The following DGKB variants were observed in gnomAD, a reference collection of about 807,000 sequenced individuals.
DGKB encodes 90 kDa diacylglycerol kinase.
A neutral mutation model predicts 114.3 loss-of-function variants in DGKB; 67 were observed. The ratio of observed to expected loss-of-function variants is 0.59; its 90% confidence interval spans 0.48 to 0.72. The LOEUF (loss-of-function observed/expected upper bound fraction) is 0.72. Among genes scored for constraint, DGKB ranks in the 30% least tolerant of loss-of-function variants. The pLI, the probability that DGKB is intolerant of heterozygous loss-of-function variation, is 0.00. For missense variants in DGKB, 907 were observed against 975.2 expected, an observed-to-expected ratio of 0.93 and a Z score of 0.93; for synonymous variants, 398 against 323.1, an observed-to-expected ratio of 1.23 and a Z score of -2.49.
intron 2 of DGKB, among the ~76,000 whole-genome samples, chr7:14,839,456 G>A (rs1008717633): frequency 8.4e-5 from 12 of 143,408 alleles, no homozygotes; most frequent in African/African-American, 2.6e-4. Context: ...CCATGGTAGA[G>A]TGCAGTGGCA....
At chr7:14,329,328 T>C (rs1809300900) in intron 23 of DGKB, among the ~76,000 whole-genome samples, 1 of 151,918 alleles carries the variant, frequency 6.6e-6, no homozygotes, top group Non-Finnish European at 1.5e-5. Context: ...CCATTAAAGT[T>C]ATTAGAAAAC....
chr7:14,219,787 T>C (rs971731748), intron 23 of DGKB, among the ~76,000 whole-genome samples: 2 of 151,770 alleles, frequency 1.3e-5, no homozygotes, highest in African/African-American at 4.8e-5. Flanking sequence ...TGAAGTCCAA[T>C]TTACATATTT....
intron 17 of DGKB, among the ~76,000 whole-genome samples, chr7:14,600,325 G>A (rs895000424): frequency 2.6e-5 from 4 of 152,128 alleles, no homozygotes; most frequent in African/African-American, 9.7e-5. Context: ...TGGTGATTAA[G>A]GTTCAATATA....
intron 13 of DGKB, among the ~76,000 whole-genome samples, chr7:14,646,853 TG>T (rs1813132594): frequency 2.0e-5 from 3 of 151,704 alleles, no homozygotes; most frequent in Admixed American, 2.0e-4. Flanking sequence ...ATTACACCAA[TG>T]AACACCTATA....
At chr7:14,634,481 T>TACACACACACAC (rs34758174) in intron 13 of DGKB, among the ~76,000 whole-genome samples, 182 of 145,262 alleles carry the variant, frequency 1.3e-3, no homozygotes, top group Middle Eastern at 3.5e-3. Flanking sequence ...TACAAAGTGA[T>TACACACACACAC]ACACACACAC....
chr7:14,661,805 C>T (rs1408026466), intron 13 of DGKB, among the ~76,000 whole-genome samples: 4 of 151,940 alleles, frequency 2.6e-5, no homozygotes, highest in Non-Finnish European at 4.4e-5. Flanking sequence ...GGAACCAACC[C>T]AAATGTCCCA....
chr7:14,885,092 AG>A (rs1353037821), intron 1 of DGKB, among the ~76,000 whole-genome samples: 1 of 151,916 alleles, frequency 6.6e-6, no homozygotes, highest in Non-Finnish European at 1.5e-5. Context: ...CTGACTTGAA[AG>A]CTCCTATTTT....
At chr7:14,760,210 G>A (rs1233422705) in intron 2 of DGKB, among the ~76,000 whole-genome samples, 1 of 151,814 alleles carries the variant, frequency 6.6e-6, no homozygotes, top group Non-Finnish European at 1.5e-5. Context: ...ATAATTTGCT[G>A]GCATTTTCCA....
chr7:14,650,138 A>T (rs1464224838), intron 13 of DGKB, among the ~76,000 whole-genome samples: 4 of 145,174 alleles, frequency 2.8e-5, no homozygotes, highest in African/African-American at 1.0e-4. Flanking sequence ...GCTCTGCACC[A>T]AGTGGACCTA....
intron 21 of DGKB, among the ~76,000 whole-genome samples, chr7:14,366,615 C>A (rs73054271): frequency 5.9e-5 from 9 of 152,182 alleles, no homozygotes; most frequent in Non-Finnish European, 1.2e-4. Context: ...AAAAAATTGA[C>A]AAATCTTTGT....
At chr7:14,753,009 ACAGT>A (rs750811300) in intron 4 of DGKB, among the ~76,000 whole-genome samples, 5 of 152,198 alleles carry the variant, frequency 3.3e-5, no homozygotes, top group Non-Finnish European at 7.4e-5. Context: ...AAATCTCGCC[ACAGT>A]CAATGAGTTG....
intron 21 of DGKB, among the ~76,000 whole-genome samples, chr7:14,396,305 C>T (rs190074192): frequency 6.6e-6 from 1 of 152,128 alleles, no homozygotes; most frequent in East Asian, 1.9e-4. Flanking sequence ...AAACAAGAGG[C>T]ACAGTAGCCT....
chr7:14,672,900 T>C, intron 13 of DGKB, 29 bp downstream of exon 13: 2 of 1,327,570 alleles, frequency 1.5e-6, no homozygotes, highest in Non-Finnish European at 2.1e-6. Context: ...CAATCCTAAG[T>C]TATAGTAGAA....
At chr7:14,715,433 C>T (rs6965637) in intron 6 of DGKB, among the ~76,000 whole-genome samples, 62,272 of 151,874 alleles carry the variant, frequency 0.41, 14,676 homozygotes, top group East Asian at 0.87. Context: ...GGCAAATCAG[C>T]CCTGAGACCA....
intron 1 of DGKB, among the ~76,000 whole-genome samples, chr7:14,948,897 T>A (rs914569784): frequency 6.6e-6 from 1 of 151,330 alleles, no homozygotes; most frequent in African/African-American, 2.4e-5. Context: ...AATAAAGAAA[T>A]AGAAATATGC....
At chr7:14,820,471 G>T (rs1270985852) in intron 2 of DGKB, among the ~76,000 whole-genome samples, 1 of 152,106 alleles carries the variant, frequency 6.6e-6, no homozygotes, top group East Asian at 1.9e-4. Flanking sequence ...TACAGTGCAT[G>T]CAACAATTTT....
chr7:14,458,628 C>T (rs867820038), intron 21 of DGKB, among the ~76,000 whole-genome samples: 1 of 152,254 alleles, frequency 6.6e-6, no homozygotes, highest in Non-Finnish European at 1.5e-5. Flanking sequence ...CCAAGGGAAG[C>T]CCTGAGGGAC....
At chr7:14,571,951 C>G (rs1408576943) in intron 20 of DGKB, among the ~76,000 whole-genome samples, 1 of 151,876 alleles carries the variant, frequency 6.6e-6, no homozygotes, top group East Asian at 1.9e-4. Context: ...AGATAAAAAT[C>G]CAGAGAATTA....
chr7:14,689,467 G>T (rs1420550997), intron 9 of DGKB, among the ~76,000 whole-genome samples: 1 of 152,034 alleles, frequency 6.6e-6, no homozygotes, highest in Non-Finnish European at 1.5e-5. Context: ...CACCGCGCCC[G>T]GCCGAAACTT....
Sources: gnomAD v4.1 joint callset for allele counts (sites outside exome capture counted in the v4.1 genomes callset) on GRCh38, gnomAD v4.1.1 for gene constraint, MANE v1.5 for transcripts, NCBI Gene and HGNC (gene_info 2026-07-23, HGNC 2026-07-21) for gene names.